Variants in CHRM3 observed in about 807,000 individuals in gnomAD.
The protein encoded by CHRM3 is muscarinic acetylcholine receptor M3.
In CHRM3, 11 loss-of-function variants were observed where a neutral mutation model predicts 41.8. The ratio of observed to expected loss-of-function variants is 0.26; its 90% CI spans 0.17 to 0.44. CHRM3 has a LOEUF of 0.44. Among genes scored for constraint, CHRM3 ranks in the 20% least tolerant of loss-of-function variants. CHRM3 has a pLI of 1.00. For synonymous variants in CHRM3, 297 were observed against 301.4 expected (o/e 0.99, Z 0.15); for missense variants, 571 against 745.4 (o/e 0.77, Z 2.72).
chr1:239,800,742 A>G (rs886732682), intron 5 of CHRM3, among the ~76,000 whole-genome samples: 4 of 152,242 alleles, frequency 2.6e-5, no homozygotes, highest in Admixed American at 2.0e-4. Context: ...CCGTGAGATG[A>G]TCATAGTTCA....
intron 6 of CHRM3, among the ~76,000 whole-genome samples, chr1:239,890,241 C>T (rs625013): frequency 0.48 from 73,209 of 151,466 alleles, 19,030 homozygotes; most frequent in East Asian, 0.64. Flanking sequence ...GCCGAGGTTG[C>T]GGTGAGGCTG....
At chr1:239,769,289 C>T (rs1278215934) in intron 5 of CHRM3, among the ~76,000 whole-genome samples, 2 of 152,140 alleles carry the variant, frequency 1.3e-5, no homozygotes, top group African/African-American at 4.8e-5. Flanking sequence ...CTCTGCATTT[C>T]CCTGGATATG....
At chr1:239,710,751 A>G (rs895675179) in intron 5 of CHRM3, among the ~76,000 whole-genome samples, 3 of 152,114 alleles carry the variant, frequency 2.0e-5, no homozygotes, top group Admixed American at 2.0e-4. Context: ...TTCTAAGCAT[A>G]AAGAAAATAA....
intron 4 of CHRM3, among the ~76,000 whole-genome samples, chr1:239,667,752 T>A (rs1275493636): frequency 6.6e-6 from 1 of 152,164 alleles, no homozygotes; most frequent in Non-Finnish European, 1.5e-5. Context: ...ACAAACCCCC[T>A]TATCTTGAAA....
chr1:239,760,557 A>G (rs1558520045), intron 5 of CHRM3, among the ~76,000 whole-genome samples: 2 of 151,730 alleles, frequency 1.3e-5, no homozygotes, highest in East Asian at 3.9e-4. Flanking sequence ...ACCTTTCCTT[A>G]CACTAGTCCC....
intron 4 of CHRM3, among the ~76,000 whole-genome samples, chr1:239,651,388 A>G (rs1177858132): frequency 2.0e-5 from 3 of 152,148 alleles, no homozygotes; most frequent in African/African-American, 4.8e-5. Context: ...ACCCAAAACA[A>G]TGTTGTTTCT....
intron 1 of CHRM3, among the ~76,000 whole-genome samples, chr1:239,413,018 C>G (rs575090100): frequency 6.6e-6 from 1 of 151,298 alleles, no homozygotes; most frequent in South Asian, 2.1e-4. Flanking sequence ...GTGGAGGTTA[C>G]AGTGAGCCGA....
At chr1:239,773,855 A>G (rs1347470971) in intron 5 of CHRM3, among the ~76,000 whole-genome samples, 2 of 152,176 alleles carry the variant, frequency 1.3e-5, no homozygotes, top group Non-Finnish European at 2.9e-5. Flanking sequence ...GGAAGAAGGA[A>G]GGAGAATGAA....
intron 1 of CHRM3, among the ~76,000 whole-genome samples, chr1:239,481,245 C>CAGATATACACACATAAAG (rs1287558040): frequency 6.6e-6 from 1 of 151,762 alleles, no homozygotes; most frequent in Non-Finnish European, 1.5e-5. Flanking sequence ...CAGACATAAA[C>CAGATATACACACATAAAG]AGATATACAC....
intron 6 of CHRM3, among the ~76,000 whole-genome samples, chr1:239,828,777 C>A (rs558069171): frequency 2.5e-4 from 38 of 152,106 alleles, no homozygotes; most frequent in Admixed American, 2.6e-4. Context: ...TCAGAGGGAC[C>A]CTGTGCTAAG....
intron 3 of CHRM3, among the ~76,000 whole-genome samples, chr1:239,611,708 C>T (rs551540270): frequency 2.6e-4 from 40 of 152,032 alleles, no homozygotes; most frequent in African/African-American, 5.8e-4. Flanking sequence ...CATGAGCCAC[C>T]GCACCCAGCC....
At chr1:239,643,233 G>A (rs922341446) in intron 4 of CHRM3, among the ~76,000 whole-genome samples, 1 of 152,214 alleles carries the variant, frequency 6.6e-6, no homozygotes, top group Non-Finnish European at 1.5e-5. Context: ...ACCCACTGGA[G>A]GAGGCAGTCT....
intron 4 of CHRM3, among the ~76,000 whole-genome samples, chr1:239,674,255 T>C (rs1267621023): frequency 6.6e-6 from 1 of 152,194 alleles, no homozygotes. Context: ...AATATAGGTA[T>C]GGGTCAGACT....
intron 3 of CHRM3, among the ~76,000 whole-genome samples, chr1:239,585,087 A>G (rs1198951013): frequency 6.6e-6 from 1 of 150,646 alleles, no homozygotes; most frequent in Non-Finnish European, 1.5e-5. Flanking sequence ...ATACACACAT[A>G]CGTATATACA....
At chr1:239,773,158 G>A (rs369673964) in intron 5 of CHRM3, among the ~76,000 whole-genome samples, 5 of 152,040 alleles carry the variant, frequency 3.3e-5, no homozygotes, top group African/African-American at 9.7e-5. Flanking sequence ...TCTAGGAAAG[G>A]GTTACTCACT....
intron 2 of CHRM3, among the ~76,000 whole-genome samples, chr1:239,517,054 A>G (rs568130990): frequency 5.9e-5 from 9 of 152,268 alleles, no homozygotes; most frequent in African/African-American, 2.2e-4. Flanking sequence ...ATGTTATAAT[A>G]CAATAATAAT....
At chr1:239,494,005 A>G (rs1274975068) in intron 2 of CHRM3, among the ~76,000 whole-genome samples, 1 of 152,178 alleles carries the variant, frequency 6.6e-6, no homozygotes, top group Admixed American at 6.6e-5. Context: ...CTCACAGGCA[A>G]TGTGCCCAGA....
At chr1:239,656,642 AAAAAT>A (rs1327506783) in intron 4 of CHRM3, among the ~76,000 whole-genome samples, 1 of 152,124 alleles carries the variant, frequency 6.6e-6, no homozygotes, top group Non-Finnish European at 1.5e-5. Context: ...CCCTATCTTA[AAAAAT>A]AAAATAAAAT....
intron 2 of CHRM3, among the ~76,000 whole-genome samples, chr1:239,524,934 TAATA>T (rs1669894866): frequency 6.6e-6 from 1 of 152,172 alleles, no homozygotes; most frequent in African/African-American, 2.4e-5. Context: ...TGTAAAGTAT[TAATA>T]AAGTAATTTT....
Sources: allele counts gnomAD v4.1 joint callset (sites outside exome capture counted in the v4.1 genomes callset), GRCh38; gene constraint gnomAD v4.1.1; transcripts MANE v1.5; gene names NCBI Gene and HGNC (gene_info 2026-07-23, HGNC 2026-07-21).